ITPR2: variants seen among roughly 807,000 people sequenced by gnomAD.
The protein encoded by ITPR2 is inositol 1,4,5-trisphosphate-gated calcium channel ITPR2.
ITPR2 carries 207 observed loss-of-function variants against 317.1 expected under a neutral mutation model. That is an observed-to-expected ratio of 0.65 (90% CI 0.58 to 0.73). The LOEUF is 0.73. Among genes scored for constraint, ITPR2 ranks in the 30% least tolerant of loss-of-function variants. The pLI, the probability that ITPR2 is intolerant of heterozygous loss-of-function variation, is 0.00. For synonymous variants in ITPR2, 1,156 were observed against 1,149.1 expected, an observed-to-expected ratio of 1.01 and a Z score of -0.12; for missense variants, 2,613 against 3,284.0, an observed-to-expected ratio of 0.80 and a Z score of 4.99.
chr12:26,613,130 T>C (rs1946309024), intron 26 of ITPR2, among the ~76,000 whole-genome samples: 1 of 152,178 alleles, frequency 6.6e-6, no homozygotes, highest in South Asian at 2.1e-4. Context: ...AAGGAGAAAT[T>C]CAAGTGTGCA....
chr12:26,747,587 T>C lies in ITPR2; in HGVS notation c.164-21822A>G, dbSNP rs114458734. The stretch of plus-strand genomic sequence containing the variant: ...ATCCATAAGGTCTTTCCTATATGTC[T>C]CTTGTTCTGTTTTTACTGCTACACT... On this transcript the variant is annotated intron_variant, in intron 2 of 56. Coordinates refer to ENST00000381340, the MANE Select transcript of ITPR2 (RefSeq NM_002223.4). 2.8e-3 allele frequency among the ~76,000 whole-genome samples: 419 copies of C among 152,294 alleles called. 3 individuals carry two copies. The highest frequency in any genetic ancestry group is 9.8e-3 in the African/African-American group (407 of 41,578).
intron 10 of ITPR2, among the ~76,000 whole-genome samples, chr12:26,692,454 T>C (rs1948259103): frequency 6.6e-6 from 1 of 152,192 alleles, no homozygotes; most frequent in South Asian, 2.1e-4. Flanking sequence ...AATCAGATCA[T>C]ATTCCACATA....
At chr12:26,539,106 T>C (rs1354461736) in intron 37 of ITPR2, among the ~76,000 whole-genome samples, 1 of 152,212 alleles carries the variant, frequency 6.6e-6, no homozygotes, top group African/African-American at 2.4e-5. Context: ...GCAAATATTC[T>C]CTGTGAGGAC....
chr12:26,782,735 T>C (rs753677838), intron 2 of ITPR2, among the ~76,000 whole-genome samples: 27 of 152,222 alleles, frequency 1.8e-4, no homozygotes, highest in Admixed American at 5.2e-4. Context: ...CAAATAATAA[T>C]GCACAGGAAG....
intron 45 of ITPR2, among the ~76,000 whole-genome samples, chr12:26,449,554 G>T (rs893525958): frequency 6.6e-6 from 1 of 152,096 alleles, no homozygotes; most frequent in Non-Finnish European, 1.5e-5. Context: ...ATTAATACAA[G>T]GAAAAATGAG....
At chr12:26,511,884 G>A (rs766173848) in intron 37 of ITPR2, among the ~76,000 whole-genome samples, 33 of 152,140 alleles carry the variant, frequency 2.2e-4, no homozygotes, top group Non-Finnish European at 3.7e-4. Context: ...GGCCCCATCA[G>A]TTTCTTTAGT....
chr12:26,652,073 C>A (rs946613097), intron 21 of ITPR2, among the ~76,000 whole-genome samples: 6 of 152,102 alleles, frequency 3.9e-5, no homozygotes, highest in African/African-American at 1.2e-4. Flanking sequence ...ATTTTCACAC[C>A]TAGATAAACT....
chr12:26,661,265 G>GGT (rs35462087), intron 15 of ITPR2, among the ~76,000 whole-genome samples: 20 of 37,238 alleles, frequency 5.4e-4, no homozygotes, highest in Middle Eastern at 0.012. Flanking sequence ...ACTAGGTAGG[G>GGT]GTGTGTGTGT....
chr12:26,516,771 G>A (rs1943532554), intron 37 of ITPR2, among the ~76,000 whole-genome samples: 1 of 152,022 alleles, frequency 6.6e-6, no homozygotes, highest in African/African-American at 2.4e-5. Flanking sequence ...TAAATAATTG[G>A]AAGGGACACA....
At chr12:26,446,959 A>ATT (rs1366707138) in intron 45 of ITPR2, among the ~76,000 whole-genome samples, 1 of 152,052 alleles carries the variant, frequency 6.6e-6, no homozygotes, top group Admixed American at 6.6e-5. Context: ...CATGAGGCTT[A>ATT]TTTTCTCCTC....
intron 35 of ITPR2, among the ~76,000 whole-genome samples, chr12:26,560,550 AC>A (rs1278439633): frequency 1.3e-5 from 2 of 152,008 alleles, no homozygotes; most frequent in Non-Finnish European, 2.9e-5. Context: ...CTCTACTTCC[AC>A]CTAAGAGCCC....
intron 26 of ITPR2, among the ~76,000 whole-genome samples, chr12:26,609,242 G>A (rs981701401): frequency 4.6e-5 from 7 of 152,128 alleles, no homozygotes; most frequent in African/African-American, 1.4e-4. Context: ...TTATTTCCTC[G>A]TTAGCCACTT....
At chr12:26,361,207 C>G (rs1300818312) in intron 55 of ITPR2, among the ~76,000 whole-genome samples, 1 of 69,874 alleles carries the variant, frequency 1.4e-5, no homozygotes, top group African/African-American at 6.7e-5. Flanking sequence ...AAGAGCAAAA[C>G]TCCAAAAAAA....
rs185566825 is a variant in ITPR2, at chr12:26,659,304, G to T, written c.1714-19C>A. On this transcript the variant is annotated intron_variant, in intron 15 of 56. Coordinates refer to ENST00000381340, the MANE Select transcript of ITPR2 (RefSeq NM_002223.4). ...TATATTCCTGCAAAGAAGAAAGGCT[G>T]TCAGAATGCACTGCCAAACAGCTTA... The T allele has an allele frequency of 5.7e-5, 92 of 1,608,062 alleles. No individual in the cohort carries two copies. Among genetic ancestry groups the T allele is most frequent in the Non-Finnish European group, 7.6e-5 (89 of 1,176,544 alleles).
rs1166400955 is a variant in ITPR2, at chr12:26,666,027, A to G, written c.1434T>C (p.Asp478=). 12 of 1,611,940 alleles carry G rather than the reference A, an allele frequency of 7.4e-6. No homozygotes were observed. Among genetic ancestry groups the G allele is most frequent in the Non-Finnish European group, 1.0e-5 (12 of 1,179,366 alleles). ...ERRFVTKLLE[D]LIFFVADVPN... ...GCACATCAGCAACAAAGAATATGAGATCTTCCAATAATTTGGTTACAAACC... is the reference window on the plus strand; with the variant it reads ...GCACATCAGCAACAAAGAATATGAGGTCTTCCAATAATTTGGTTACAAACC... The change falls in exon 14 of 57, where the codon GAT becomes GAC. Residue 478 remains aspartate (D), a synonymous_variant. Transcript: ENST00000381340.
At chr12:26,491,839 C>A (rs112722063) in intron 39 of ITPR2, among the ~76,000 whole-genome samples, 2,260 of 152,194 alleles carry the variant, frequency 0.015, 28 homozygotes, top group Non-Finnish European at 0.023. Flanking sequence ...AGGAGCAGTG[C>A]GTGTATGGAG....
intron 39 of ITPR2, among the ~76,000 whole-genome samples, chr12:26,493,549 T>C (rs1942859902): frequency 6.6e-6 from 1 of 152,176 alleles, no homozygotes; most frequent in Non-Finnish European, 1.5e-5. Context: ...TTCAAACAGC[T>C]AGAAAAGTGA....
intron 50 of ITPR2, among the ~76,000 whole-genome samples, 166 bp downstream of exon 50, chr12:26,418,883 T>C (rs1333765382): frequency 6.6e-6 from 1 of 152,024 alleles, no homozygotes; most frequent in Non-Finnish European, 1.5e-5. Context: ...AGAAAAAAGA[T>C]TACAAATGAT....
intron 55 of ITPR2, among the ~76,000 whole-genome samples, chr12:26,364,715 T>C (rs1360053470): frequency 6.6e-6 from 1 of 152,234 alleles, no homozygotes; most frequent in Non-Finnish European, 1.5e-5. Context: ...TGCCATCATG[T>C]GTGTCTGTCC....
Sources: allele counts gnomAD v4.1 joint callset (sites outside exome capture counted in the v4.1 genomes callset), GRCh38; gene constraint gnomAD v4.1.1; transcripts MANE v1.5; gene names NCBI Gene and HGNC (gene_info 2026-07-23, HGNC 2026-07-21).